Variants in IWS1 observed in about 807,000 individuals in gnomAD.
The protein encoded by IWS1 is protein IWS1 homolog.
In IWS1, 27 loss-of-function variants were observed where a neutral mutation model predicts 86.7. That is an observed-to-expected ratio of 0.31 (90% CI 0.23 to 0.43). IWS1 has a LOEUF of 0.43. Ranked by LOEUF, IWS1 falls within the 20% of genes least tolerant of loss-of-function variation. IWS1 has a pLI of 1.00. For synonymous variants in IWS1, 313 were observed against 335.1 expected, an observed-to-expected ratio of 0.93 and a Z score of 0.72; for missense variants, 827 against 1,000.8, an observed-to-expected ratio of 0.83 and a Z score of 2.34.
chr2:127,498,305 AT>A, intron 5 of IWS1, 68 bp from the exon 6 acceptor site: 1 of 1,477,426 alleles, frequency 6.8e-7, no homozygotes, highest in Non-Finnish European at 9.2e-7. Context: ...AATATTTTGC[AT>A]TTTTAAAGTA....
chr2:127,483,510 T>G (rs1211635067), intron 13 of IWS1, among the ~76,000 whole-genome samples: 1 of 144,526 alleles, frequency 6.9e-6, no homozygotes, highest in Non-Finnish European at 1.5e-5. Context: ...ATGCAGCCAT[T>G]AAAAATGATA....
chr2:127,483,791 G>A (rs1231416576), intron 13 of IWS1, among the ~76,000 whole-genome samples: 5 of 151,776 alleles, frequency 3.3e-5, no homozygotes, highest in Non-Finnish European at 7.4e-5. Context: ...CACCATGCCC[G>A]GCTAATTTTT....
chr2:127,490,229 T>C (rs1245374457), intron 10 of IWS1, among the ~76,000 whole-genome samples: 1 of 152,238 alleles, frequency 6.6e-6, no homozygotes, highest in Non-Finnish European at 1.5e-5. Flanking sequence ...TGACATTTCA[T>C]AAAAGACATT....
In IWS1 at chr2:127,504,930, G is replaced by C; in HGVS notation, c.973C>G (p.Gln325Glu). The change falls in exon 3 of 14, where the codon CAG becomes GAG. Residue 325 changes from glutamine to glutamate, a missense_variant. This residue lies in a region of IWS1 where 548 missense variants were observed against 560.2 expected (regional missense o/e 0.98). Coordinates refer to ENST00000295321, the MANE Select transcript of IWS1 (RefSeq NM_017969.3). The stretch of plus-strand genomic sequence containing the variant: ...CTGTCATCATCTGACTCTGGCTTCT[G>C]TTTGTGTCTGGACGCATCCTCAGTT... Reference protein sequence around the residue: ...SETEDASRHKQKPESDDDSDR... With the variant: ...SETEDASRHKEKPESDDDSDR... The C allele has an allele frequency of 6.2e-7, 1 of 1,614,144 alleles. No individual in the cohort carries two copies. The highest frequency in any genetic ancestry group is 8.5e-7 in the Non-Finnish European group (1 of 1,180,020).
intron 13 of IWS1, among the ~76,000 whole-genome samples, chr2:127,481,648 T>C (rs905808527): frequency 6.6e-6 from 1 of 152,284 alleles, no homozygotes; most frequent in Non-Finnish European, 1.5e-5. Context: ...GGTTAGATGA[T>C]TAGTGAAGTA....
rs377019126 is a variant in IWS1, at chr2:127,489,230, C to A, written c.2165G>T (p.Gly722Val). The A allele has an allele frequency of 1.2e-6, 2 of 1,611,178 alleles. No homozygotes were observed. The highest frequency in any genetic ancestry group is 1.7e-6 in the Non-Finnish European group (2 of 1,178,310). The change falls in exon 12 of 14, where the codon GGT (glycine) becomes GTT (valine). Residue 722 changes from glycine (G) to valine (V), a missense_variant. Transcript: ENST00000295321. This position sits in a 1 kb window ranked among gnomAD's most constrained non-coding sequence, Gnocchi z 4.8. ...MPQRRRMNST[G>V]GQTPRRDLEK... is the part of the protein sequence containing the mutation. ...CAGGTCTCTTCTGGGTGTCTGACCA[C>A]CAGTGCTGAAAAAAAAGTAAACAAG...
chr2:127,522,643 C>A (rs1692162444), intron 2 of IWS1, among the ~76,000 whole-genome samples: 1 of 152,206 alleles, frequency 6.6e-6, no homozygotes, highest in Admixed American at 6.5e-5. Flanking sequence ...AAAAATTGGA[C>A]AATTTTCTGC....
At chr2:127,526,746 T>C, upstream of IWS1, 1 of 1,187,546 alleles carries the variant, frequency 8.4e-7, no homozygotes, top group Non-Finnish European at 1.1e-6. Flanking sequence ...TTTGAGATAC[T>C]CTTCCGAAAA....
At chr2:127,525,267 G>C (rs1036567739) in intron 1 of IWS1, among the ~76,000 whole-genome samples, 18 of 152,144 alleles carry the variant, frequency 1.2e-4, no homozygotes, top group African/African-American at 3.9e-4. Context: ...GCTTAGGAAA[G>C]TGTTTTTAAG....
rs746688764 is a variant in IWS1, at chr2:127,489,721, TGA to T, written c.2159+109_2159+110del. 7.9e-5 allele frequency: 58 copies of T among 735,938 alleles called. No individual in the cohort carries two copies. The highest frequency in any genetic ancestry group is 1.2e-4 in the Non-Finnish European group (49 of 404,574). The allele number at this position is 735,938 out of a possible 1,614,324, so 45.6% of individuals were successfully genotyped here. A position where few individuals can be genotyped will look rare whatever the true frequency, so the allele number is the denominator to read the frequency against. On this transcript the variant is annotated intron_variant, in intron 11 of 13. Transcript: ENST00000295321. This position sits in a 1 kb window ranked among gnomAD's most constrained non-coding sequence, Gnocchi z 4.8. ...TATGAATTATGTACACATATCAAGCTGAGAGGAAAGGAAATCCTATCATCTTG... is the reference window on the plus strand; with the variant it reads ...TATGAATTATGTACACATATCAAGCTGAGGAAAGGAAATCCTATCATCTTG...
At position 127,489,268 on chromosome 2, in the gene IWS1, A is replaced by T. The variant is rs376875310; in HGVS notation, c.2160-33T>A. On this transcript the variant is annotated intron_variant, in intron 11 of 13. Transcript: ENST00000295321. The surrounding 1 kb of genome is among the most constrained non-coding windows in gnomAD (Gnocchi z 4.8). ...AAAAGTAAACAAGGAGATACCAGGA[A>T]TATTAGAACCTAATAACTCAGAAAA... 26 of 1,524,664 alleles carry T rather than the reference A, an allele frequency of 1.7e-5. No homozygotes were observed. In the East Asian group the frequency reaches 3.4e-4, roughly 20 times the overall value. 94.4% of individuals were successfully genotyped at this position (1,524,664 alleles called of 1,614,324 possible).
chr2:127,492,153 T>G, intron 9 of IWS1, 65 bp from the exon 10 acceptor site: 1 of 967,902 alleles, frequency 1.0e-6, no homozygotes, highest in South Asian at 1.3e-5. Context: ...GCTAGTCTAT[T>G]CTAGAGACCT....
At chr2:127,520,795 A>G (rs1692051047) in intron 2 of IWS1, among the ~76,000 whole-genome samples, 2 of 152,236 alleles carry the variant, frequency 1.3e-5, no homozygotes, top group African/African-American at 4.8e-5. Flanking sequence ...TCTTCAGGGC[A>G]GCTTCAGTTA....
intron 2 of IWS1, chr2:127,514,595 C>T (rs551450445): frequency 6.6e-6 from 1 of 152,456 alleles, no homozygotes; most frequent in East Asian, 1.9e-4. Context: ...CAGTTCCTGG[C>T]ATCTCCGAGT....
chr2:127,482,964 A>AT (rs1182672583), intron 13 of IWS1: 3 of 152,186 alleles, frequency 2.0e-5, no homozygotes, highest in Non-Finnish European at 4.4e-5. Context: ...ACTCAAATGG[A>AT]TTTTTACCAT....
chr2:127,519,978 A>G (rs989789855), intron 2 of IWS1, among the ~76,000 whole-genome samples: 1 of 152,210 alleles, frequency 6.6e-6, no homozygotes, highest in African/African-American at 2.4e-5. Flanking sequence ...ATCTTCCCTC[A>G]GAGAAGAACA....
At chr2:127,497,648 AT>A (rs113545569) in intron 6 of IWS1, among the ~76,000 whole-genome samples, 3 of 152,204 alleles carry the variant, frequency 2.0e-5, no homozygotes, top group African/African-American at 7.2e-5. Flanking sequence ...AAATGAAACT[AT>A]TTTTTAAAAG....
At chr2:127,504,655 T>C (rs369831848) in intron 3 of IWS1, 29 bp downstream of exon 3, 90 of 1,488,180 alleles carry the variant, frequency 6.0e-5, no homozygotes, top group African/African-American at 8.4e-5. Flanking sequence ...AATAAAGCCA[T>C]TGATAAACAG....
At position 127,504,205 on chromosome 2, in the gene IWS1, G is replaced by A. The variant is rs866268122; in HGVS notation, c.1219+479C>T. ...CTGAAACACTCTGGAGAGAGATGGTGTCTCTAAATAGAATCCTCTCAAAGC... is the reference window on the plus strand; with the variant it reads ...CTGAAACACTCTGGAGAGAGATGGTATCTCTAAATAGAATCCTCTCAAAGC... On this transcript the variant is annotated intron_variant, in intron 3 of 13. Coordinates refer to ENST00000295321, the MANE Select transcript of IWS1 (RefSeq NM_017969.3). Among the ~76,000 whole-genome samples the A allele has an allele frequency of 1.4e-4, 22 of 152,328 alleles. No individual in the cohort carries two copies. In the Middle Eastern group the frequency reaches 0.017, roughly 118 times the overall value.
Sources: allele counts gnomAD v4.1 joint callset (sites outside exome capture counted in the v4.1 genomes callset), GRCh38; gene constraint gnomAD v4.1.1; regional missense constraint gnomAD v4.1.1; non-coding constraint Gnocchi (gnomAD v3.1); transcripts MANE v1.5; gene names NCBI Gene and HGNC (gene_info 2026-07-23, HGNC 2026-07-21).